Variants in ORM2 observed in about 807,000 individuals in gnomAD.
ORM2 encodes the protein alpha-1-acid glycoprotein 2.
Under a neutral mutation model 26.8 loss-of-function variants are expected in ORM2, and 19 were observed. The ratio of observed to expected loss-of-function variants is 0.71; its 90% CI spans 0.49 to 1.04. The LOEUF (loss-of-function observed/expected upper bound fraction) is 1.04. Ranked by LOEUF, ORM2 falls within the 50% of genes least tolerant of loss-of-function variation. ORM2 has a pLI of 0.00. For synonymous variants in ORM2, 94 were observed against 100.0 expected, an observed-to-expected ratio of 0.94 and a Z score of 0.36; for missense variants, 259 against 244.9, an observed-to-expected ratio of 1.06 and a Z score of -0.39.
Position 114,331,549 on chromosome 9 carries a change from G to A in ORM2, c.329-18G>A, listed in dbSNP as rs1829851081. On this transcript the variant is annotated intron_variant, in intron 3 of 5. Coordinates refer to ENST00000431067, the MANE Select transcript of ORM2 (RefSeq NM_000608.4). ...TGCCATCCCATGTTCTCACCCAGAG[G>A]CTCTTTTTCTCTTCCAGAGGGAGGC... 9 of 1,597,164 alleles carry A rather than the reference G, an allele frequency of 5.6e-6. No individual in the cohort carries two copies. In the East Asian group the frequency reaches 1.3e-4, roughly 24 times the overall value.
At position 114,331,562 on chromosome 9, in the gene ORM2, T is replaced by C. The variant is rs1829851431; in HGVS notation, c.329-5T>C. On this transcript the variant is annotated splice_region_variant and splice_polypyrimidine_tract_variant and intron_variant, in intron 3 of 5. Transcript: ENST00000431067. Reference sequence around the variant, plus strand: ...TCTCACCCAGAGGCTCTTTTTCTCTTCCAGAGGGAGGCCGAGAACATGTTG... The same window carrying C: ...TCTCACCCAGAGGCTCTTTTTCTCTCCCAGAGGGAGGCCGAGAACATGTTG... 2 of 1,611,832 alleles carry C rather than the reference T, an allele frequency of 1.2e-6. No homozygotes were observed. The highest frequency in any genetic ancestry group is 1.7e-6 in the Non-Finnish European group (2 of 1,178,228).
intron 5 of ORM2, among the ~76,000 whole-genome samples, 195 bp from the exon 6 acceptor site, chr9:114,332,874 C>A (rs1302865906): frequency 6.6e-6 from 1 of 152,128 alleles, no homozygotes; most frequent in Non-Finnish European, 1.5e-5. Context: ...ATTGTAGAGG[C>A]AAGTAAGCTG....
At chr9:114,331,430 A>C (rs1184396751) in intron 3 of ORM2, 137 bp from the exon 4 acceptor site, 16 of 660,544 alleles carry the variant, frequency 2.4e-5, no homozygotes, top group East Asian at 2.1e-4. Flanking sequence ...GGGGCTGGGC[A>C]CACGGTGGCC....
chr9:114,331,353 C>T (rs986728440), intron 3 of ORM2, among the ~76,000 whole-genome samples: 7 of 152,064 alleles, frequency 4.6e-5, no homozygotes, highest in Non-Finnish European at 8.8e-5. Flanking sequence ...CTGACAGCCA[C>T]AGTCTGTGTG....
chr9:114,330,785 A>C lies in ORM2; in HGVS notation c.258-7A>C, dbSNP rs745943747. ...CTGTTTTTCTTCCGCCTTCTGGTTG[A>C]CTTTAGCCAGAACCAGTGCTTCTAT... On this transcript the variant is annotated splice_region_variant and splice_polypyrimidine_tract_variant and intron_variant, in intron 2 of 5. Transcript: ENST00000431067. 1.9e-6 allele frequency: 3 copies of C among 1,613,520 alleles called. No homozygotes were observed. Among genetic ancestry groups the C allele is most frequent in the Non-Finnish European group, 2.5e-6 (3 of 1,179,696 alleles).
At chr9:114,331,048 A>G (rs897101023) in intron 3 of ORM2, among the ~76,000 whole-genome samples, 186 bp downstream of exon 3, 3 of 152,126 alleles carry the variant, frequency 2.0e-5, no homozygotes, top group Non-Finnish European at 4.4e-5. Context: ...ATGAGGAAAC[A>G]TAAGAACAGA....
intron 1 of ORM2, 105 bp from the exon 2 acceptor site, chr9:114,330,329 C>T: frequency 1.5e-6 from 2 of 1,299,008 alleles, no homozygotes; most frequent in South Asian, 1.3e-5. Flanking sequence ...GGGGCCTCAT[C>T]TCCCCATCTG....
chr9:114,330,865 G>A lies in ORM2; in HGVS notation c.328+3G>A. 3.7e-6 allele frequency: 6 copies of A among 1,613,134 alleles called. No homozygotes were observed. The highest frequency in any genetic ancestry group is 1.1e-5 in the South Asian group (1 of 91,072). On this transcript the variant is annotated splice_donor_region_variant and intron_variant, in intron 3 of 5. Coordinates refer to ENST00000431067, the MANE Select transcript of ORM2 (RefSeq NM_000608.4). The stretch of plus-strand genomic sequence containing the variant: ...GAATGGGACCGTCTCCAGATACGGT[G>A]AGGGCCAGCCCTCAGGCAGGAGGGT...
chr9:114,332,718 G>A (rs1829878653), intron 5 of ORM2, among the ~76,000 whole-genome samples: 2 of 152,106 alleles, frequency 1.3e-5, no homozygotes, highest in South Asian at 2.1e-4. Context: ...AGGGAGCCTC[G>A]AATGGGTCCC....
At chr9:114,331,073 T>C (rs1048294087) in intron 3 of ORM2, among the ~76,000 whole-genome samples, 1 of 152,020 alleles carries the variant, frequency 6.6e-6, no homozygotes, top group Non-Finnish European at 1.5e-5. Flanking sequence ...TCAAATAGTT[T>C]CCCCAAGGTC....
At position 114,330,679 on chromosome 9, in the gene ORM2, G is replaced by A. The variant is rs1204683292; in HGVS notation, c.257+103G>A. 1.6e-5 allele frequency: 25 copies of A among 1,600,662 alleles called. No homozygotes were observed. The East Asian group carries it at 2.2e-4, about 14-fold the overall frequency. ...CCTTGGCCTTCCCATGGGTGGAACC[G>A]GGAGGGTTGGCTTTAATCTCCACCA... On this transcript the variant is annotated intron_variant, in intron 2 of 5. Coordinates refer to ENST00000431067, the MANE Select transcript of ORM2 (RefSeq NM_000608.4).
chr9:114,330,764 T>G, intron 2 of ORM2, 28 bp from the exon 3 acceptor site: 2 of 1,612,040 alleles, frequency 1.2e-6, no homozygotes, highest in Non-Finnish European at 1.7e-6. Flanking sequence ...ACATTACTGT[T>G]TTTCTTCCGC....
chr9:114,331,892 T>C lies in ORM2; in HGVS notation c.503T>C (p.Ile168Thr). Residue 168 changes from isoleucine (I) to threonine (T), a missense_variant, in exon 5 of 6, where the codon ATT becomes ACT. Transcript: ENST00000431067. ...TACGAAGCTCTCGACTGCTTGTGCA[T>C]TCCCAGGTCAGATGTCATGTACACC... The part of the protein sequence containing the change: ...EFYEALDCLC[I>T]PRSDVMYTDW... The C allele has an allele frequency of 6.2e-7, 1 of 1,613,872 alleles. No homozygotes were observed. The highest frequency in any genetic ancestry group is 1.1e-5 in the South Asian group (1 of 91,070).
chr9:114,330,603 C>T (rs749925705), intron 2 of ORM2, 27 bp downstream of exon 2: 2 of 1,610,964 alleles, frequency 1.2e-6, no homozygotes, highest in South Asian at 2.2e-5. Flanking sequence ...CAATGCACCC[C>T]CATCTCAGCT....
At chr9:114,331,705 C>T (rs371411972) in intron 4 of ORM2, 31 bp downstream of exon 4, 6 of 1,596,422 alleles carry the variant, frequency 3.8e-6, no homozygotes, top group East Asian at 4.5e-5. Flanking sequence ...CAAACTCATG[C>T]CCCTCTCAGG....
In ORM2 at chr9:114,329,938, C is replaced by T; in HGVS notation, c.34C>T (p.Leu12Phe). 1.3e-6 allele frequency: 2 copies of T among 1,493,320 alleles called. No homozygotes were observed. Among genetic ancestry groups the T allele is most frequent in the Non-Finnish European group, 1.8e-6 (2 of 1,118,918 alleles). The allele number at this position is 1,493,320 out of a possible 1,614,324, so 92.5% of individuals were successfully genotyped here. ...ALSWVLTVLSLLPLLEAQIPL... is the reference protein window; with the variant it reads ...ALSWVLTVLSFLPLLEAQIPL... ...GTCCTGGGTTCTTACAGTCCTGAGCCTCCTACCTCTGCTGGAAGCCCAGAT... is the reference window on the plus strand; with the variant it reads ...GTCCTGGGTTCTTACAGTCCTGAGCTTCCTACCTCTGCTGGAAGCCCAGAT... The change falls in exon 1 of 6, where the codon CTC becomes TTC. Residue 12 changes from leucine (L) to phenylalanine (F), a missense_variant. Physicochemically the swap from Leu to Phe is conservative, Grantham distance 22. Transcript: ENST00000431067.
rs1433629213 is a variant in ORM2 at position 114,331,470 on chromosome 9, C to T, written c.329-97C>T. The T allele has an allele frequency of 2.0e-5, 20 of 979,076 alleles. No homozygotes were observed. The Admixed American group carries it at 2.7e-4, about 13-fold the overall frequency. The allele number at this position is 979,076 out of a possible 1,614,324, so 60.6% of individuals were successfully genotyped here. A position where few individuals can be genotyped will look rare whatever the true frequency, so the allele number is the denominator to read the frequency against. On this transcript the variant is annotated intron_variant, in intron 3 of 5. Transcript: ENST00000431067. ...GGAGACCCGGGCCTTCACTGATGGG[C>T]TTTGTGGCCCCGGACACACCTAGGA...
chr9:114,331,683 G>C lies in ORM2; in HGVS notation c.436+9G>C. ...GGGGCTGTCTTTCTATGGTAGGCAT[G>C]CTTAGCAGCCCCAAACTCATGCCCC... On this transcript the variant is annotated intron_variant, in intron 4 of 5. Transcript: ENST00000431067. 6.2e-7 allele frequency: 1 copy of C among 1,611,030 alleles called. No individual in the cohort carries two copies. Among genetic ancestry groups the C allele is most frequent in the Non-Finnish European group, 8.5e-7 (1 of 1,177,514 alleles).
In ORM2 at chr9:114,330,727, T is replaced by C. The variant is rs115030497; in HGVS notation, c.258-65T>C. On this transcript the variant is annotated intron_variant, in intron 2 of 5. Coordinates refer to ENST00000431067, the MANE Select transcript of ORM2 (RefSeq NM_000608.4). Reference sequence around the variant, plus strand: ...CCAGACTCTTGCCCCGGGACTGTGATGGGCGATTGGCCACTTCTCCTCGAT... The same window carrying C: ...CCAGACTCTTGCCCCGGGACTGTGACGGGCGATTGGCCACTTCTCCTCGAT... 9,568 of 1,598,786 alleles carry C rather than the reference T, an allele frequency of 6.0e-3. 607 individuals are homozygous for C. The African/African-American group carries it at 0.11, about 19-fold the overall frequency.
Sources: allele counts gnomAD v4.1 joint callset (sites outside exome capture counted in the v4.1 genomes callset), GRCh38; gene constraint gnomAD v4.1.1; transcripts MANE v1.5; gene names NCBI Gene and HGNC (gene_info 2026-07-23, HGNC 2026-07-21).